Variants in CNTN5 observed in about 807,000 individuals in gnomAD.
CNTN5 encodes contactin-5.
A neutral mutation model predicts 129.1 loss-of-function variants in CNTN5; 77 were observed. That is an observed-to-expected ratio of 0.60 (90% CI 0.50 to 0.72). The LOEUF (loss-of-function observed/expected upper bound fraction) is 0.72. Ranked by LOEUF, CNTN5 falls within the 30% of genes least tolerant of loss-of-function variation. The probability of loss-of-function intolerance (pLI) is 0.00; values close to 1 mark genes in which losing one functional copy is unlikely to be tolerated. For missense variants in CNTN5, 1,478 were observed against 1,328.8 expected (o/e 1.11, Z -1.75); for synonymous variants, 509 against 465.6 (o/e 1.09, Z -1.20).
intron 7 of CNTN5, among the ~76,000 whole-genome samples, chr11:99,948,337 G>C (rs1369961894): frequency 6.6e-6 from 1 of 152,082 alleles, no homozygotes; most frequent in East Asian, 1.9e-4. Flanking sequence ...TTTATAGTAG[G>C]TCTCTACCCA....
At chr11:100,292,581 C>G (rs933201922) in intron 18 of CNTN5, among the ~76,000 whole-genome samples, 7 of 151,980 alleles carry the variant, frequency 4.6e-5, no homozygotes, top group African/African-American at 1.7e-4. Flanking sequence ...CTGAACTTCT[C>G]TATAGTGGTT....
intron 3 of CNTN5, among the ~76,000 whole-genome samples, chr11:99,678,146 A>G (rs1010211182): frequency 1.3e-5 from 2 of 152,100 alleles, no homozygotes; most frequent in African/African-American, 4.8e-5. Context: ...TTATATCACT[A>G]CACACACACA....
chr11:99,997,939 T>C (rs1939567375), intron 8 of CNTN5, among the ~76,000 whole-genome samples: 1 of 152,256 alleles, frequency 6.6e-6, no homozygotes, highest in Admixed American at 6.5e-5. Flanking sequence ...GAAAAGGCCT[T>C]TGACAAAATT....
At chr11:100,310,390 G>A (rs1192566493) in intron 21 of CNTN5, among the ~76,000 whole-genome samples, 1 of 151,836 alleles carries the variant, frequency 6.6e-6, no homozygotes, top group African/African-American at 2.4e-5. Flanking sequence ...ATGATTCACC[G>A]TGTTGACATC....
chr11:99,676,346 G>C (rs1002366909), intron 3 of CNTN5, among the ~76,000 whole-genome samples: 5 of 152,108 alleles, frequency 3.3e-5, no homozygotes, highest in African/African-American at 4.8e-5. Flanking sequence ...TATCACAGTG[G>C]AGCAATAGAG....
chr11:99,086,968 A>G (rs1176101036), intron 1 of CNTN5, among the ~76,000 whole-genome samples: 1 of 152,202 alleles, frequency 6.6e-6, no homozygotes, highest in East Asian at 1.9e-4. Flanking sequence ...TTCATAGATG[A>G]AGAAAATGGA....
chr11:99,190,732 C>T (rs903029363), intron 1 of CNTN5, among the ~76,000 whole-genome samples: 17 of 151,310 alleles, frequency 1.1e-4, no homozygotes, highest in Admixed American at 8.6e-4. Context: ...TTTATATTTT[C>T]GTTTTATATC....
chr11:99,702,212 T>A (rs1261477989), intron 3 of CNTN5, among the ~76,000 whole-genome samples: 1 of 151,060 alleles, frequency 6.6e-6, no homozygotes, highest in East Asian at 1.9e-4. Flanking sequence ...CCCAGTTTAT[T>A]GTAAATGTTG....
At chr11:99,856,215 C>T (rs752649444) in intron 6 of CNTN5, among the ~76,000 whole-genome samples, 6 of 152,130 alleles carry the variant, frequency 3.9e-5, no homozygotes, top group Non-Finnish European at 7.4e-5. Flanking sequence ...ATTTCTAGGG[C>T]TACAGCTGGA....
intron 17 of CNTN5, among the ~76,000 whole-genome samples, chr11:100,259,336 CA>C (rs1404027527): frequency 3.9e-5 from 6 of 152,110 alleles, no homozygotes; most frequent in Middle Eastern, 3.2e-3. Context: ...GACTCCCACA[CA>C]ATAATAGTGG....
chr11:100,062,195 G>C (rs1374547908), intron 10 of CNTN5, among the ~76,000 whole-genome samples: 8 of 152,164 alleles, frequency 5.3e-5, no homozygotes, highest in African/African-American at 1.9e-4. Context: ...CAATAGGCTA[G>C]AGCATTGAAA....
intron 2 of CNTN5, among the ~76,000 whole-genome samples, chr11:99,407,854 G>C (rs991403619): frequency 5.9e-5 from 9 of 152,144 alleles, no homozygotes; most frequent in Non-Finnish European, 1.0e-4. Context: ...GGGCAGCACT[G>C]AGTTCAGTGC....
chr11:99,487,909 A>C (rs1024190132), intron 2 of CNTN5, among the ~76,000 whole-genome samples: 2 of 152,180 alleles, frequency 1.3e-5, no homozygotes, highest in African/African-American at 2.4e-5. Flanking sequence ...GCTTACTCAA[A>C]TGTTATGAAA....
chr11:100,131,481 T>C (rs1050553679), intron 13 of CNTN5, among the ~76,000 whole-genome samples: 1 of 152,048 alleles, frequency 6.6e-6, no homozygotes, highest in Non-Finnish European at 1.5e-5. Context: ...GGTTGAGGTA[T>C]TTGTGAGTTA....
At chr11:99,663,978 CTG>C (rs1591443623) in intron 3 of CNTN5, among the ~76,000 whole-genome samples, 1 of 152,118 alleles carries the variant, frequency 6.6e-6, no homozygotes. Context: ...TGTTCAAACT[CTG>C]TTGTGTATAT....
chr11:99,194,982 T>C (rs147112948), intron 1 of CNTN5, among the ~76,000 whole-genome samples: 7 of 152,254 alleles, frequency 4.6e-5, no homozygotes, highest in African/African-American at 7.2e-5. Context: ...CGAAGTCAAG[T>C]GACAGAATTT....
At chr11:99,348,013 A>G (rs945075168) in intron 2 of CNTN5, among the ~76,000 whole-genome samples, 1 of 152,230 alleles carries the variant, frequency 6.6e-6, no homozygotes, top group African/African-American at 2.4e-5. Flanking sequence ...TATCATTAAT[A>G]AATAATGTTA....
chr11:99,819,917 T>C (rs916389376), intron 4 of CNTN5, among the ~76,000 whole-genome samples, 152 bp downstream of exon 4: 1 of 152,148 alleles, frequency 6.6e-6, no homozygotes, highest in African/African-American at 2.4e-5. Flanking sequence ...TTTTTAAAGC[T>C]GGGGTGAGCT....
At chr11:99,950,856 A>C (rs1430027080) in intron 7 of CNTN5, among the ~76,000 whole-genome samples, 1 of 152,190 alleles carries the variant, frequency 6.6e-6, no homozygotes, top group East Asian at 1.9e-4. Context: ...AAAGAAGATT[A>C]ATATAATGAT....
Sources: allele counts gnomAD v4.1 joint callset (sites outside exome capture counted in the v4.1 genomes callset), GRCh38; gene constraint gnomAD v4.1.1; transcripts MANE v1.5; gene names NCBI Gene and HGNC (gene_info 2026-07-23, HGNC 2026-07-21).